CSMD1: variants seen among roughly 807,000 people sequenced by gnomAD.
CSMD1 encodes CUB and Sushi multiple domains 1, also known as CUB and sushi domain-containing protein 1.
In CSMD1, 213 loss-of-function variants were observed where a neutral mutation model predicts 417.5. That is an observed-to-expected ratio of 0.51 (90% CI 0.46 to 0.57). CSMD1 has a LOEUF of 0.57. Ranked by LOEUF, CSMD1 falls within the 20% of genes least tolerant of loss-of-function variation. The probability of loss-of-function intolerance (pLI) is 0.00; values close to 1 mark genes in which losing one functional copy is unlikely to be tolerated. For missense variants in CSMD1, 6,923 were observed against 4,529.7 expected (o/e 1.53, Z -15.17); for synonymous variants, 2,862 against 1,736.8 (o/e 1.65, Z -16.11).
intron 3 of CSMD1, among the ~76,000 whole-genome samples, chr8:4,354,777 A>G (rs981433135): frequency 6.6e-6 from 1 of 152,052 alleles, no homozygotes; most frequent in Non-Finnish European, 1.5e-5. Flanking sequence ...CCCCCCTCCC[A>G]GAAAAATGAA....
At chr8:4,669,015 C>G (rs145763757) in intron 1 of CSMD1, among the ~76,000 whole-genome samples, 1 of 152,170 alleles carries the variant, frequency 6.6e-6, no homozygotes, top group Non-Finnish European at 1.5e-5. Flanking sequence ...TAATCTCACT[C>G]ATTTCCTTTG....
At chr8:4,521,331 T>G (rs1284688477) in intron 2 of CSMD1, among the ~76,000 whole-genome samples, 1 of 152,088 alleles carries the variant, frequency 6.6e-6, no homozygotes, top group Admixed American at 6.6e-5. Flanking sequence ...AATGGGAAGA[T>G]GAGCTGGGAA....
At chr8:3,066,736 A>G (rs1812961358) in intron 49 of CSMD1, among the ~76,000 whole-genome samples, 2 of 152,214 alleles carry the variant, frequency 1.3e-5, no homozygotes. Context: ...CAATTCTGAT[A>G]ATTGCATGGT....
chr8:3,212,860 A>ATTTTTTTTTT (rs1797694711), intron 30 of CSMD1, among the ~76,000 whole-genome samples: 1 of 124,422 alleles, frequency 8.0e-6, no homozygotes. Context: ...AGAGAGTTTC[A>ATTTTTTTTTT]CTCTTGTTGC....
At chr8:4,730,360 G>A (rs1193498550) in intron 1 of CSMD1, among the ~76,000 whole-genome samples, 1 of 152,144 alleles carries the variant, frequency 6.6e-6, no homozygotes, top group African/African-American at 2.4e-5. Context: ...CTTGAAAGAT[G>A]AAAACATATT....
At chr8:3,831,161 A>G (rs1048752321) in intron 5 of CSMD1, among the ~76,000 whole-genome samples, 6 of 152,194 alleles carry the variant, frequency 3.9e-5, no homozygotes. Flanking sequence ...AAGAAACCCA[A>G]TTTATCTAGA....
intron 21 of CSMD1, among the ~76,000 whole-genome samples, chr8:3,357,728 C>T (rs1240668340): frequency 2.0e-5 from 3 of 152,128 alleles, no homozygotes; most frequent in Non-Finnish European, 4.4e-5. Context: ...TAGACTCCAA[C>T]CAATTCTGGG....
At chr8:4,349,814 T>C (rs150814988) in intron 3 of CSMD1, among the ~76,000 whole-genome samples, 32 of 143,624 alleles carry the variant, frequency 2.2e-4, no homozygotes, top group African/African-American at 8.7e-4. Flanking sequence ...TAAAATATGA[T>C]ATGACCTTTT....
chr8:3,840,292 G>A (rs1012433250), intron 5 of CSMD1, among the ~76,000 whole-genome samples: 14 of 152,112 alleles, frequency 9.2e-5, no homozygotes, highest in South Asian at 8.3e-4. Flanking sequence ...CAAAGCTCAC[G>A]CAGGAGGCTG....
At chr8:3,998,671 T>C (rs181195698) in intron 4 of CSMD1, among the ~76,000 whole-genome samples, 6 of 152,194 alleles carry the variant, frequency 3.9e-5, no homozygotes, top group African/African-American at 1.4e-4. Context: ...ACATGAAACT[T>C]AAAATGGAAT....
chr8:4,511,210 A>G (rs1016909479), intron 2 of CSMD1, among the ~76,000 whole-genome samples: 1 of 152,050 alleles, frequency 6.6e-6, no homozygotes, highest in African/African-American at 2.4e-5. Context: ...GTACAGATCC[A>G]TTTTTAACCT....
At chr8:4,201,184 A>G (rs1206593748) in intron 3 of CSMD1, among the ~76,000 whole-genome samples, 4 of 152,224 alleles carry the variant, frequency 2.6e-5, no homozygotes. Context: ...ACTGTTGTGT[A>G]TGCAGAGGAG....
At chr8:3,932,951 GA>G (rs1433478438) in intron 5 of CSMD1, among the ~76,000 whole-genome samples, 4 of 148,778 alleles carry the variant, frequency 2.7e-5, no homozygotes, top group African/African-American at 9.9e-5. Flanking sequence ...AAGTGTATGT[GA>G]ATTTTTAAAT....
rs536725239 is a variant in CSMD1, at chr8:3,037,500, G to A, written c.7661-7987C>T. 3.9e-5 allele frequency among the ~76,000 whole-genome samples: 6 copies of A among 152,250 alleles called. No homozygotes were observed. In the South Asian group the frequency reaches 1.0e-3, roughly 26 times the overall value. The stretch of plus-strand genomic sequence containing the variant: ...CACTTTCTTTATCCACTCATTGGTT[G>A]ATGGGCACTGTGTGGATTTCATATC... On this transcript the variant is annotated intron_variant, in intron 50 of 69. Coordinates refer to ENST00000635120, the MANE Select transcript of CSMD1 (RefSeq NM_033225.6).
intron 1 of CSMD1, among the ~76,000 whole-genome samples, chr8:4,965,297 G>C (rs184232801): frequency 2.0e-5 from 3 of 152,308 alleles, no homozygotes; most frequent in Non-Finnish European, 4.4e-5. Context: ...TTGTGTATCA[G>C]GCATAGTTGC....
At chr8:3,701,975 T>TC (rs1354127789) in intron 7 of CSMD1, among the ~76,000 whole-genome samples, 1 of 151,976 alleles carries the variant, frequency 6.6e-6, no homozygotes, top group Non-Finnish European at 1.5e-5. Flanking sequence ...GCTTCAGGTC[T>TC]CTTTTTTTTT....
At chr8:4,418,452 T>A (rs1206315986) in intron 3 of CSMD1, among the ~76,000 whole-genome samples, 2 of 152,058 alleles carry the variant, frequency 1.3e-5, no homozygotes, top group Non-Finnish European at 2.9e-5. Context: ...AGCGATGGAG[T>A]TTTCACAACA....
At chr8:4,497,127 A>G (rs1256292255) in intron 2 of CSMD1, among the ~76,000 whole-genome samples, 2 of 152,182 alleles carry the variant, frequency 1.3e-5, no homozygotes, top group Non-Finnish European at 2.9e-5. Flanking sequence ...CAGCTTGTCT[A>G]TAGCCCTTGA....
chr8:4,642,891 T>C (rs752748247), intron 1 of CSMD1, among the ~76,000 whole-genome samples: 1 of 152,180 alleles, frequency 6.6e-6, no homozygotes, highest in Non-Finnish European at 1.5e-5. Flanking sequence ...ACTATACTGT[T>C]CTGTATGTGG....
Sources: gnomAD v4.1 joint callset for allele counts (sites outside exome capture counted in the v4.1 genomes callset) on GRCh38, gnomAD v4.1.1 for gene constraint, MANE v1.5 for transcripts, NCBI Gene and HGNC (gene_info 2026-07-23, HGNC 2026-07-21) for gene names.